The following HSF2BP variants were observed in gnomAD, a reference collection of about 807,000 sequenced individuals.
The protein encoded by HSF2BP is heat shock factor 2-binding protein.
In HSF2BP, 35 loss-of-function variants were observed where a neutral mutation model predicts 35.0. That is an observed-to-expected ratio of 1.00 (90% CI 0.76 to 1.32). The LOEUF (loss-of-function observed/expected upper bound fraction) is 1.32. Ranked by LOEUF, HSF2BP falls within the 40% of genes most tolerant of loss-of-function variation. HSF2BP has a pLI of 0.00. For missense variants in HSF2BP, 326 were observed against 321.7 expected (o/e 1.01, Z -0.10); for synonymous variants, 114 against 117.4 (o/e 0.97, Z 0.18).
intron 5 of HSF2BP, among the ~76,000 whole-genome samples, chr21:43,630,966 T>C (rs2082448890): frequency 6.6e-6 from 1 of 152,184 alleles, no homozygotes; most frequent in Non-Finnish European, 1.5e-5. Context: ...TGAAGAAGAA[T>C]TTTAAAACCA....
chr21:43,619,296 T>C (rs1403812945), intron 6 of HSF2BP, among the ~76,000 whole-genome samples: 1 of 152,226 alleles, frequency 6.6e-6, no homozygotes, highest in Non-Finnish European at 1.5e-5. Flanking sequence ...AAGGTACTAG[T>C]ATATTACAAA....
At chr21:43,640,837 T>C in intron 4 of HSF2BP, among the ~76,000 whole-genome samples, 1 of 151,504 alleles carries the variant, frequency 6.6e-6, no homozygotes, top group Non-Finnish European at 1.5e-5. Flanking sequence ...CTAAAAACTA[T>C]CAAACTATAC....
At chr21:43,657,862 G>A (rs2082897894) in intron 2 of HSF2BP, 199 bp downstream of exon 2, 1 of 985,476 alleles carries the variant, frequency 1.0e-6, no homozygotes, top group Non-Finnish European at 1.2e-6. Flanking sequence ...GTCCCCGCGT[G>A]GGTTTGGAGG....
chr21:43,606,210 C>G (rs2082133508), intron 7 of HSF2BP, among the ~76,000 whole-genome samples: 1 of 152,084 alleles, frequency 6.6e-6, no homozygotes, highest in African/African-American at 2.4e-5. Context: ...TGAGAAAGGA[C>G]ATAGAAGAGG....
At chr21:43,633,767 A>C (rs34658202) in intron 4 of HSF2BP, among the ~76,000 whole-genome samples, 396 of 152,284 alleles carry the variant, frequency 2.6e-3, no homozygotes, top group Non-Finnish European at 3.6e-3. Context: ...AACAAAAACA[A>C]CCTCACAAAG....
the HSF2BP span, among the ~76,000 whole-genome samples, chr21:43,467,908 CCACACACCA>C: frequency 1.2e-3 from 51 of 43,880 alleles, no homozygotes; most frequent in African/African-American, 3.4e-3. Flanking sequence ...CACACACGCA[CCACACACCA>C]CACACACCAC....
intron 7 of HSF2BP, among the ~76,000 whole-genome samples, chr21:43,605,078 CCA>C (rs1370476569): frequency 2.0e-5 from 3 of 148,458 alleles, no homozygotes; most frequent in Non-Finnish European, 4.5e-5. Flanking sequence ...ATCACACGTA[CCA>C]CATAACACAA....
intron 8 of HSF2BP, among the ~76,000 whole-genome samples, chr21:43,581,013 G>C (rs2081721305): frequency 6.6e-6 from 1 of 152,242 alleles, no homozygotes; most frequent in African/African-American, 2.4e-5. Context: ...TGGTGCCATG[G>C]AAAAGATGTG....
At chr21:43,612,795 C>T (rs182266576) in intron 7 of HSF2BP, among the ~76,000 whole-genome samples, 1 of 151,920 alleles carries the variant, frequency 6.6e-6, no homozygotes, top group Non-Finnish European at 1.5e-5. Flanking sequence ...TGTAGAGACT[C>T]GGTCTCTTTA....
At chr21:43,625,956 C>T (rs983747684) in intron 6 of HSF2BP, among the ~76,000 whole-genome samples, 2 of 152,214 alleles carry the variant, frequency 1.3e-5, no homozygotes, top group African/African-American at 2.4e-5. Flanking sequence ...TGACAAGTCA[C>T]ATAGGTCATA....
At chr21:43,631,227 C>T (rs1302135617) in intron 5 of HSF2BP, among the ~76,000 whole-genome samples, 1 of 152,188 alleles carries the variant, frequency 6.6e-6, no homozygotes, top group Non-Finnish European at 1.5e-5. Context: ...ACTGTTATTT[C>T]TATTAGCAGT....
intron 8 of HSF2BP, among the ~76,000 whole-genome samples, chr21:43,573,570 G>A (rs1328518193): frequency 2.0e-5 from 3 of 152,194 alleles, no homozygotes; most frequent in African/African-American, 4.8e-5. Flanking sequence ...TCGTTCATGT[G>A]ATAAATGCAG....
chr21:43,613,962 G>A lies in HSF2BP; in HGVS notation c.575-15C>T. On this transcript the variant is annotated splice_polypyrimidine_tract_variant and intron_variant, in intron 6 of 8. Transcript: ENST00000291560. ...AGCAGCAACATCTGCAACAGAAAAT[G>A]AAACAAAACATCAAGATCATTATGA... 6.5e-7 allele frequency: 1 copy of A among 1,544,460 alleles called. No homozygotes were observed. Among genetic ancestry groups the A allele is most frequent in the Non-Finnish European group, 8.9e-7 (1 of 1,119,586 alleles).
intron 7 of HSF2BP, among the ~76,000 whole-genome samples, chr21:43,605,700 T>C (rs1282933289): frequency 1.4e-5 from 2 of 143,778 alleles, no homozygotes; most frequent in Non-Finnish European, 3.0e-5. Context: ...GTCCCACATA[T>C]ACAAACACAC....
Position 43,633,306 on chromosome 21 carries a change from C to A in HSF2BP, c.407G>T (p.Ser136Ile). 1.9e-6 allele frequency: 3 copies of A among 1,613,886 alleles called. No homozygotes were observed. The highest frequency in any genetic ancestry group is 2.5e-6 in the Non-Finnish European group (3 of 1,179,980). Reference sequence around the variant, plus strand: ...AATGGCCTTGACGACTTCCTCACTGCTGGAGACACCCCACAAGAGGGTACA... The same window carrying A: ...AATGGCCTTGACGACTTCCTCACTGATGGAGACACCCCACAAGAGGGTACA... ...AACTLLWGVS[S>I]SEEVVKAILG... Residue 136 changes from serine to isoleucine, a missense_variant, in exon 5 of 9, where the codon AGC (serine) becomes ATC (isoleucine). By Grantham distance (142) the Ser-to-Ile change is moderately radical (BLOSUM62 -2). Coordinates refer to ENST00000291560, the MANE Select transcript of HSF2BP (RefSeq NM_007031.2).
intron 3 of HSF2BP, among the ~76,000 whole-genome samples, chr21:43,648,321 T>C (rs1323499417): frequency 1.8e-4 from 28 of 152,200 alleles, no homozygotes; most frequent in Admixed American, 1.8e-3. Context: ...TGACCAAGGA[T>C]GGGACATGTC....
At chr21:43,627,976 G>A (rs1426303482) in intron 6 of HSF2BP, among the ~76,000 whole-genome samples, 2 of 152,088 alleles carry the variant, frequency 1.3e-5, no homozygotes, top group African/African-American at 2.4e-5. Flanking sequence ...GGCACCATGA[G>A]CCACACCCAT....
intron 7 of HSF2BP, among the ~76,000 whole-genome samples, chr21:43,600,277 GAATA>G (rs2082036314): frequency 6.6e-6 from 1 of 152,080 alleles, no homozygotes; most frequent in Admixed American, 6.5e-5. Context: ...ACGAGTAACA[GAATA>G]AACACGCCCA....
At chr21:43,600,948 T>C (rs1170443666) in intron 7 of HSF2BP, among the ~76,000 whole-genome samples, 2 of 152,238 alleles carry the variant, frequency 1.3e-5, no homozygotes, top group Admixed American at 6.5e-5. Flanking sequence ...TTCCACGCCA[T>C]GGTGAGATTT....
Sources: gnomAD v4.1 joint callset for allele counts (sites outside exome capture counted in the v4.1 genomes callset) on GRCh38, gnomAD v4.1.1 for gene constraint, MANE v1.5 for transcripts, NCBI Gene and HGNC (gene_info 2026-07-23, HGNC 2026-07-21) for gene names.